Variants in CYP3A5 observed in about 807,000 individuals in gnomAD.
CYP3A5 encodes cytochrome P450 3A5.
A neutral mutation model predicts 55.9 loss-of-function variants in CYP3A5; 51 were observed. The observed-to-expected ratio is 0.91, with a 90% CI of 0.73 to 1.15. CYP3A5 has a LOEUF of 1.15. CYP3A5 is among the 50% of genes most tolerant of loss of function. The probability of loss-of-function intolerance (pLI) is 0.00; values close to 1 mark genes in which losing one functional copy is unlikely to be tolerated. For synonymous variants in CYP3A5, 196 were observed against 213.9 expected, an observed-to-expected ratio of 0.92 and a Z score of 0.73; for missense variants, 533 against 596.6, an observed-to-expected ratio of 0.89 and a Z score of 1.11.
intron 3 of CYP3A5, chr7:99,674,243 C>T (rs1811994560): frequency 3.6e-6 from 1 of 274,506 alleles, no homozygotes; most frequent in Non-Finnish European, 6.8e-6. Context: ...ATCTTTGTAG[C>T]TAACAATAAT....
rs1584408270 is a variant in CYP3A5, at chr7:99,653,249, G to A, written c.1027-470C>T. ...GCTTGGTAACTCTTTTGAGGAGTTTGAGACCAGCTTGGGAAACATGGTGAA... is the reference window on the plus strand; with the variant it reads ...GCTTGGTAACTCTTTTGAGGAGTTTAAGACCAGCTTGGGAAACATGGTGAA... On this transcript the variant is annotated intron_variant, in intron 10 of 12. Coordinates refer to ENST00000222982, the MANE Select transcript of CYP3A5 (RefSeq NM_000777.5). This position sits in a 1 kb window ranked among gnomAD's most constrained non-coding sequence, Gnocchi z 4.2. Among the ~76,000 whole-genome samples the A allele has an allele frequency of 6.6e-6, 1 of 152,262 alleles. No individual in the cohort carries two copies. The highest frequency in any genetic ancestry group is 1.9e-4 in the East Asian group (1 of 5,188).
Position 99,656,693 on chromosome 7 carries a change from G to T in CYP3A5, c.1026+3806C>A, listed in dbSNP as rs373151959. Among the ~76,000 whole-genome samples, 153 of 152,164 alleles carry T rather than the reference G, an allele frequency of 1.0e-3. 3 individuals are homozygous for T. In the South Asian group the frequency reaches 0.011, roughly 11 times the overall value. On this transcript the variant is annotated intron_variant, in intron 10 of 12. Transcript: ENST00000222982. ...CCTTGTACCTCTGGTAGAATTCGGC[G>T]GTGAATCCATCTGGTCCTGGACTTT...
Position 99,662,828 on chromosome 7 carries a change from C to A in CYP3A5, c.853G>T (p.Glu285Ter), listed in dbSNP as rs774855888. ...ACTCCTTGGTTACCTTTGTGGGACT[C>A]AGTTTCTTTCGAATTCTGGGAGTCA... Reference protein sequence around the residue: ...MIDSQNSKETESHKALSDLEL... With the variant: ...MIDSQNSKET Residue 285 changes from glutamate to a stop codon, truncating the protein, a stop_gained, in exon 9 of 13, where the codon GAG (glutamate) becomes TAG (stop). Coordinates refer to ENST00000222982, the MANE Select transcript of CYP3A5 (RefSeq NM_000777.5). LOFTEE classifies it high-confidence loss of function. The surrounding 1 kb of genome is among the most constrained non-coding windows in gnomAD (Gnocchi z 4.3). The A allele has an allele frequency of 2.5e-6, 4 of 1,613,978 alleles. No homozygotes were observed. The Admixed American group carries it at 6.7e-5, about 27-fold the overall frequency.
At chr7:99,674,684 C>T (rs1290396805) in intron 2 of CYP3A5, 99 bp from the exon 3 acceptor site, 1 of 945,300 alleles carries the variant, frequency 1.1e-6, no homozygotes, top group Admixed American at 2.3e-5. Flanking sequence ...TGAAATCAGG[C>T]CTGCTATCTT....
At chr7:99,676,994 G>A (rs927632274) in intron 1 of CYP3A5, among the ~76,000 whole-genome samples, 2 of 152,088 alleles carry the variant, frequency 1.3e-5, no homozygotes, top group African/African-American at 4.8e-5. Context: ...TACTTCTCAG[G>A]TCATACTCAC....
intron 8 of CYP3A5, chr7:99,663,178 C>T (rs1019579206): frequency 5.3e-6 from 6 of 1,130,400 alleles, no homozygotes; most frequent in South Asian, 2.5e-5. Context: ...AAAGAGTTGC[C>T]GGTTCCATCT....
In CYP3A5 at chr7:99,652,532, C is replaced by G. The variant is rs764075329; in HGVS notation, c.1253+21G>C. ...AACCAGCCTGGGTCAGGGTGAGCTC[C>G]ATTTCCCTGGAGACTTGTACCTTTC... On this transcript the variant is annotated intron_variant, in intron 11 of 12. Coordinates refer to ENST00000222982, the MANE Select transcript of CYP3A5 (RefSeq NM_000777.5). The G allele has an allele frequency of 3.2e-6, 5 of 1,565,360 alleles. No homozygotes were observed. In the Admixed American group the frequency reaches 8.7e-5, roughly 27 times the overall value.
chr7:99,677,108 A>G (rs1192911166), intron 1 of CYP3A5: 13 of 908,612 alleles, frequency 1.4e-5, no homozygotes, highest in Non-Finnish European at 1.4e-5. Flanking sequence ...GGAAAAACCC[A>G]TTAAGCCTGG....
At chr7:99,657,933 T>G (rs1283560185) in intron 10 of CYP3A5, among the ~76,000 whole-genome samples, 1 of 152,232 alleles carries the variant, frequency 6.6e-6, no homozygotes, top group Admixed American at 6.5e-5. Flanking sequence ...GTCCATTTGC[T>G]TGGTAGATCT....
At chr7:99,666,435 C>T (rs1357053175) in intron 6 of CYP3A5, among the ~76,000 whole-genome samples, 166 bp downstream of exon 6, 1 of 152,160 alleles carries the variant, frequency 6.6e-6, no homozygotes, top group Non-Finnish European at 1.5e-5. Flanking sequence ...TGCTGACTTG[C>T]CGCCTCATGG....
chr7:99,650,313 C>T, intron 11 of CYP3A5, 81 bp from the exon 12 acceptor site: 3 of 1,349,844 alleles, frequency 2.2e-6, no homozygotes, highest in Non-Finnish European at 3.1e-6. Flanking sequence ...TACTTAAGAA[C>T]AACCCCCCTC....
At chr7:99,664,770 AAAG>A (rs1810811736) in intron 7 of CYP3A5, among the ~76,000 whole-genome samples, 3 of 152,350 alleles carry the variant, frequency 2.0e-5, no homozygotes, top group South Asian at 2.1e-4. Context: ...CAAAACACTA[AAAG>A]AAGAAGAGCA....
At chr7:99,659,289 C>G (rs1810127956) in intron 10 of CYP3A5, 1 of 152,614 alleles carries the variant, frequency 6.6e-6, no homozygotes, top group Non-Finnish European at 1.5e-5. Context: ...AGTTTTCCTT[C>G]TGACAGTCAG....
Position 99,662,798 on chromosome 7 carries a change from GA to G in CYP3A5, c.865+17del. 1 of 1,611,060 alleles carries G rather than the reference GA, an allele frequency of 6.2e-7. No individual in the cohort carries two copies. Among genetic ancestry groups the G allele is most frequent in the African/African-American group, 1.3e-5 (1 of 74,988 alleles). ...TTAGTGTCCCCGCCAGTAGCCCTCA[GA>G]AGCACTCCTTGGTTACCTTTGTGGG... On this transcript the variant is annotated intron_variant, in intron 9 of 12. Coordinates refer to ENST00000222982, the MANE Select transcript of CYP3A5 (RefSeq NM_000777.5). This position sits in a 1 kb window ranked among gnomAD's most constrained non-coding sequence, Gnocchi z 4.3.
At chr7:99,671,971 A>G (rs1811690678) in intron 4 of CYP3A5, 1 of 648,678 alleles carries the variant, frequency 1.5e-6, no homozygotes, top group Admixed American at 2.4e-5. Flanking sequence ...AAAGCTCTGT[A>G]AACTATATCA....
intron 8 of CYP3A5, 104 bp downstream of exon 8, chr7:99,663,864 C>T: frequency 6.9e-7 from 1 of 1,443,620 alleles, no homozygotes; most frequent in Non-Finnish European, 9.1e-7. Flanking sequence ...AACATAAGTT[C>T]TCTGTCTTTA....
chr7:99,679,557 T>C (rs953474005), intron 1 of CYP3A5, among the ~76,000 whole-genome samples: 5 of 152,156 alleles, frequency 3.3e-5, no homozygotes, highest in African/African-American at 1.2e-4. Context: ...CTTCGTCAGA[T>C]CTAAGCTAAT....
intron 1 of CYP3A5, among the ~76,000 whole-genome samples, chr7:99,679,382 C>T (rs559647092): frequency 6.6e-6 from 1 of 152,172 alleles, no homozygotes; most frequent in Admixed American, 6.5e-5. Flanking sequence ...GCTACACATC[C>T]CTTCCAGCAG....
chr7:99,655,953 T>C (rs569738343), intron 10 of CYP3A5, among the ~76,000 whole-genome samples: 183 of 152,348 alleles, frequency 1.2e-3, no homozygotes, highest in African/African-American at 4.0e-3. Flanking sequence ...TTGCTGAAGT[T>C]GTTTATCAGC....
Sources: gnomAD v4.1 joint callset for allele counts (sites outside exome capture counted in the v4.1 genomes callset) on GRCh38, gnomAD v4.1.1 for gene constraint, Gnocchi (gnomAD v3.1) non-coding constraint, MANE v1.5 for transcripts, NCBI Gene and HGNC (gene_info 2026-07-23, HGNC 2026-07-21) for gene names.